TXNDC11: variants seen among roughly 807,000 people sequenced by gnomAD.
TXNDC11 encodes thioredoxin domain-containing protein 11.
In TXNDC11, 68 loss-of-function variants were observed where a neutral mutation model predicts 78.0. That is an observed-to-expected ratio of 0.87 (90% CI 0.72 to 1.07). The LOEUF (loss-of-function observed/expected upper bound fraction) is 1.07. Ranked by LOEUF, TXNDC11 falls within the 50% of genes least tolerant of loss-of-function variation. The probability of loss-of-function intolerance (pLI) is 0.00; values close to 1 mark genes in which losing one functional copy is unlikely to be tolerated. For synonymous variants in TXNDC11, 571 were observed against 495.2 expected (o/e 1.15, Z -2.03); for missense variants, 1,389 against 1,221.8 (o/e 1.14, Z -2.04).
rs574177388 is a variant in TXNDC11 at position 11,698,915 on chromosome 16, AT to A, written c.907-591del. On this transcript the variant is annotated intron_variant, in intron 6 of 11. Coordinates refer to ENST00000283033, the MANE Select transcript of TXNDC11 (RefSeq NM_015914.7). ...AAACTTGCACAAGGCCACGGATCAT[AT>A]TTTACGTGTACGAATAAATGAAAGA... Among the ~76,000 whole-genome samples the A allele has an allele frequency of 7.9e-4, 120 of 152,340 alleles. 1 individual carries two copies. The highest frequency in any genetic ancestry group is 3.4e-3 in the Middle Eastern group (1 of 294).
At chr16:11,683,393 A>T (rs1385874692) in intron 11 of TXNDC11, among the ~76,000 whole-genome samples, 1 of 152,156 alleles carries the variant, frequency 6.6e-6, no homozygotes, top group Non-Finnish European at 1.5e-5. Context: ...GGAATCCGAG[A>T]AAAGGACGTG....
At chr16:11,725,622 A>C (rs1597481714) in intron 4 of TXNDC11, among the ~76,000 whole-genome samples, 1 of 152,174 alleles carries the variant, frequency 6.6e-6, no homozygotes, top group South Asian at 2.1e-4. Context: ...TAGCTTCTTA[A>C]TCTGTTGGAA....
At chr16:11,724,169 G>A (rs1250754235) in intron 4 of TXNDC11, among the ~76,000 whole-genome samples, 1 of 152,126 alleles carries the variant, frequency 6.6e-6, no homozygotes, top group East Asian at 1.9e-4. Context: ...TGTAGTTGCA[G>A]CTACTTGGGA....
At chr16:11,692,618 G>A (rs961381775) in intron 7 of TXNDC11, among the ~76,000 whole-genome samples, 3 of 152,200 alleles carry the variant, frequency 2.0e-5, no homozygotes, top group African/African-American at 7.2e-5. Flanking sequence ...TTCGTGTGTA[G>A]TATATACAGG....
Position 11,733,999 on chromosome 16 carries a change from T to C in TXNDC11, c.552A>G (p.Ile184Met), listed in dbSNP as rs374268629. 3.7e-6 allele frequency: 6 copies of C among 1,607,046 alleles called. No individual in the cohort carries two copies. The highest frequency in any genetic ancestry group is 3.4e-5 in the Admixed American group (2 of 58,424). The stretch of plus-strand genomic sequence containing the variant: ...GTTCTTACCTCCGATGATACAGATA[T>C]ATTACAGGAAAATAAAAGAAGTGTT... ...KQKHFFYFPV[I>M]YLYHRSFGPI... Residue 184 changes from isoleucine to methionine, a missense_variant, in exon 3 of 12, where the codon ATA (isoleucine) becomes ATG (methionine). Physicochemically the swap from Ile to Met is conservative, Grantham distance 10. Coordinates refer to ENST00000283033, the MANE Select transcript of TXNDC11 (RefSeq NM_015914.7).
intron 1 of TXNDC11, among the ~76,000 whole-genome samples, chr16:11,741,271 T>C (rs896735966): frequency 1.3e-5 from 2 of 152,188 alleles, no homozygotes; most frequent in Non-Finnish European, 2.9e-5. Context: ...ACAGATATCA[T>C]AGTAGCAATA....
At chr16:11,701,128 C>CTTTT (rs397855467) in intron 5 of TXNDC11, among the ~76,000 whole-genome samples, 10 of 101,666 alleles carry the variant, frequency 9.8e-5, no homozygotes, top group Admixed American at 2.0e-4. Flanking sequence ...CCAATGTCCT[C>CTTTT]TTTTTTTTTT....
At chr16:11,682,536 C>T (rs1019825275) in intron 11 of TXNDC11, among the ~76,000 whole-genome samples, 2 of 152,190 alleles carry the variant, frequency 1.3e-5, no homozygotes, top group African/African-American at 4.8e-5. Context: ...CCGCCTGTGT[C>T]TCTCTACACA....
At chr16:11,704,117 G>C (rs2051111023) in intron 5 of TXNDC11, among the ~76,000 whole-genome samples, 1 of 152,106 alleles carries the variant, frequency 6.6e-6, no homozygotes, top group Non-Finnish European at 1.5e-5. Flanking sequence ...AAGTAAAGAA[G>C]TGCTCATAAA....
At chr16:11,701,613 G>C (rs1480971034) in intron 5 of TXNDC11, among the ~76,000 whole-genome samples, 1 of 151,990 alleles carries the variant, frequency 6.6e-6, no homozygotes, top group Admixed American at 6.6e-5. Flanking sequence ...TTGTTAACAT[G>C]GACAAACCAC....
chr16:11,687,960 G>GA lies in TXNDC11; in HGVS notation c.2049dup (p.Leu684SerfsTer37). On this transcript the variant is annotated frameshift_variant, in exon 10 of 12. Transcript: ENST00000283033. LOFTEE classifies it high-confidence loss of function. Reference sequence around the variant, plus strand: ...CACCACGGAGCGTAATAGAGCAGGAGAACGTCCTGTGGGAAAGGGAAGACA... The same window carrying GA: ...CACCACGGAGCGTAATAGAGCAGGAGAAACGTCCTGTGGGAAAGGGAAGACA... 2 of 1,611,732 alleles carry GA rather than the reference G, an allele frequency of 1.2e-6. No individual in the cohort carries two copies. The highest frequency in any genetic ancestry group is 1.7e-6 in the Non-Finnish European group (2 of 1,178,046).
At chr16:11,681,019 A>C (rs56878897) in intron 11 of TXNDC11, among the ~76,000 whole-genome samples, 4,884 of 151,954 alleles carry the variant, frequency 0.032, 272 homozygotes, top group African/African-American at 0.11. Context: ...GTAAGATAAA[A>C]AAATTAGCCA....
In TXNDC11 at chr16:11,679,551, G is replaced by A; in HGVS notation, c.2521C>T (p.Gln841Ter). The A allele has an allele frequency of 6.2e-7, 1 of 1,613,588 alleles. No individual in the cohort carries two copies. Among genetic ancestry groups the A allele is most frequent in the Non-Finnish European group, 8.5e-7 (1 of 1,179,986 alleles). ...ARRDEHRLRQ[Q>*]QRALEEQHSL... ...TGCTGCTCTTCCAGGGCCCGCTGCT[G>A]CTGCCGCAGCCGGTGCTCATCTCTG... The change falls in exon 12 of 12, where the codon CAG becomes TAG. Residue 841 changes from glutamine to a stop codon, truncating the protein, a stop_gained. Transcript: ENST00000283033. LOFTEE classifies it low-confidence loss of function (END_TRUNC). This position sits in a 1 kb window ranked among gnomAD's most constrained non-coding sequence, Gnocchi z 4.6.
chr16:11,735,893 G>T (rs1473127496), intron 2 of TXNDC11, 124 bp downstream of exon 2: 1 of 838,098 alleles, frequency 1.2e-6, no homozygotes, highest in Non-Finnish European at 1.9e-6. Flanking sequence ...CTGTAACTTA[G>T]AAACGACTCC....
rs115243475 is a variant in TXNDC11 at position 11,697,466 on chromosome 16, G to A, written c.1107+659C>T. Among the ~76,000 whole-genome samples, 1,095 of 152,218 alleles carry A rather than the reference G, an allele frequency of 7.2e-3. 13 individuals are homozygous for A. The highest frequency in any genetic ancestry group is 0.025 in the African/African-American group (1,046 of 41,540). On this transcript the variant is annotated intron_variant, in intron 7 of 11. Coordinates refer to ENST00000283033, the MANE Select transcript of TXNDC11 (RefSeq NM_015914.7). ...CTGTGCCTGCTGTCTCTCCAGGCTC[G>A]CTCTGCAAAATGTGCCTGCTGTCTC...
intron 7 of TXNDC11, among the ~76,000 whole-genome samples, chr16:11,695,625 C>A (rs900565813): frequency 6.6e-6 from 1 of 152,194 alleles, no homozygotes; most frequent in African/African-American, 2.4e-5. Context: ...CCACCCTCCA[C>A]CTCTACCACC....
chr16:11,696,971 C>A (rs149313449), intron 7 of TXNDC11, among the ~76,000 whole-genome samples: 1 of 152,302 alleles, frequency 6.6e-6, no homozygotes, highest in East Asian at 1.9e-4. Context: ...TCCTTTCCTA[C>A]AATGAGCTTT....
intron 5 of TXNDC11, among the ~76,000 whole-genome samples, chr16:11,713,757 A>G (rs2051437591): frequency 1.3e-5 from 2 of 152,132 alleles, no homozygotes; most frequent in African/African-American, 4.8e-5. Context: ...AATCTATATT[A>G]GTCAGTACCC....
chr16:11,742,766 G>A lies in TXNDC11; in HGVS notation c.-36C>T, dbSNP rs368744724. The A allele has an allele frequency of 2.0e-5, 29 of 1,419,886 alleles. No individual in the cohort carries two copies. The African/African-American group carries it at 3.9e-4, about 19-fold the overall frequency. 88.0% of individuals were successfully genotyped at this position (1,419,886 alleles called of 1,614,324 possible). A position where few individuals can be genotyped will look rare whatever the true frequency, so the allele number is the denominator to read the frequency against. On this transcript the variant is annotated 5_prime_UTR_variant, in exon 1 of 12. Coordinates refer to ENST00000283033, the MANE Select transcript of TXNDC11 (RefSeq NM_015914.7). ...CAGTCGCCGGCTTTATACCGCCGCC[G>A]CCGCCTCGGGCCCGAAGGCCCGGCC...
Sources: gnomAD v4.1 joint callset for allele counts (sites outside exome capture counted in the v4.1 genomes callset) on GRCh38, gnomAD v4.1.1 for gene constraint, Gnocchi (gnomAD v3.1) non-coding constraint, MANE v1.5 for transcripts, NCBI Gene and HGNC (gene_info 2026-07-23, HGNC 2026-07-21) for gene names.